Variants in LTBP4 observed in about 807,000 individuals in gnomAD.
The protein encoded by LTBP4 is latent-transforming growth factor beta-binding protein 4.
Under a neutral mutation model 180.2 loss-of-function variants are expected in LTBP4, and 93 were observed. The ratio of observed to expected loss-of-function variants is 0.52; its 90% confidence interval spans 0.44 to 0.61. LTBP4 has a LOEUF of 0.61. Ranked by LOEUF, LTBP4 falls within the 20% of genes least tolerant of loss-of-function variation. LTBP4 has a pLI of 0.00. For missense variants in LTBP4, 2,116 were observed against 2,256.5 expected, an observed-to-expected ratio of 0.94 and a Z score of 1.26; for synonymous variants, 947 against 934.5, an observed-to-expected ratio of 1.01 and a Z score of -0.24.
rs2081620390 is a variant in LTBP4, at chr19:40,625,283, TATATATATATATATATA to T, written c.3833-573_3833-557del. Reference sequence around the variant, plus strand: ...ATATATATATATATATATATATATATATATATATATATATATATATATATATATATATATTTTTTTTT... The same window carrying T: ...ATATATATATATATATATATATATATTATATATATATATATATTTTTTTTT... On this transcript the variant is annotated intron_variant, in intron 26 of 29. Coordinates refer to ENST00000396819, the MANE Select transcript of LTBP4 (RefSeq NM_001042545.2). 1.6e-3 allele frequency among the ~76,000 whole-genome samples: 14 copies of T among 8,706 alleles called. 2 individuals carry two copies. The highest frequency in any genetic ancestry group is 0.012 in the African/African-American group (9 of 758). The allele number at this position is 8,706 out of a possible 152,430, so 5.7% of individuals were successfully genotyped here.
rs577301524 is a variant in LTBP4 at position 40,595,424 on chromosome 19, G to T, written c.16+2243G>T. Among the ~76,000 whole-genome samples, 3 of 148,494 alleles carry T rather than the reference G, an allele frequency of 2.0e-5. No individual in the cohort carries two copies. The South Asian group carries it at 6.5e-4, about 32-fold the overall frequency. On this transcript the variant is annotated intron_variant, in intron 1 of 32. Coordinates refer to the LTBP4 transcript ENST00000204005. ...TCTGTCCCTCAGTGAACCCAGCCAG[G>T]CTCTGCCCCTGACCCACAGGATCTG... is the stretch of plus-strand genomic sequence containing the variant.
upstream of LTBP4, among the ~76,000 whole-genome samples, chr19:40,596,986 C>G (rs2081393839): frequency 6.6e-6 from 1 of 152,110 alleles, no homozygotes; most frequent in Admixed American, 6.5e-5. Flanking sequence ...TTCCCCCCAC[C>G]GCGTGGGGAA....
At chr19:40,598,360 C>T (rs532533594), upstream of LTBP4, among the ~76,000 whole-genome samples, 622 of 133,838 alleles carry the variant, frequency 4.6e-3, 6 homozygotes, top group African/African-American at 0.016. Context: ...GCGCTGGACA[C>T]CCCCCTCTCT....
intron 19 of LTBP4, among the ~76,000 whole-genome samples, chr19:40,615,926 G>A (rs1568409604): frequency 6.6e-6 from 1 of 152,178 alleles, no homozygotes; most frequent in Non-Finnish European, 1.5e-5. Flanking sequence ...ATCAGGTTTA[G>A]GAAGGAAAAC....
intron 11 of LTBP4, 25 bp from the exon 12 acceptor site, chr19:40,610,507 C>T: frequency 1.3e-6 from 2 of 1,577,914 alleles, no homozygotes; most frequent in Non-Finnish European, 1.7e-6. Flanking sequence ...TGCCCCAGTC[C>T]CAGCCGCCTG....
Position 40,611,006 on chromosome 19 carries a change from G to A in LTBP4, c.1811-146G>A. The A allele has an allele frequency of 8.7e-7, 1 of 1,150,182 alleles. No homozygotes were observed. The highest frequency in any genetic ancestry group is 1.2e-6 in the Non-Finnish European group (1 of 811,548). The allele number at this position is 1,150,182 out of a possible 1,614,324, so 71.2% of individuals were successfully genotyped here. A position where few individuals can be genotyped will look rare whatever the true frequency, so the allele number is the denominator to read the frequency against. ...CAGCCAGGCAGCTTAGTAGGGATTG[G>A]TGGAGGATGCAGAGTCAGATGATGG... On this transcript the variant is annotated intron_variant, in intron 12 of 29. Coordinates refer to ENST00000396819, the MANE Select transcript of LTBP4 (RefSeq NM_001042545.2). This position sits in a 1 kb window ranked among gnomAD's most constrained non-coding sequence, Gnocchi z 4.4.
chr19:40,603,660 G>GC (rs2081438765), intron 1 of LTBP4, among the ~76,000 whole-genome samples: 1 of 152,188 alleles, frequency 6.6e-6, no homozygotes, highest in Non-Finnish European at 1.5e-5. Flanking sequence ...AAACGGAGGT[G>GC]GCTCTCTGCG....
At chr19:40,618,046 T>C (rs1362610419) in intron 21 of LTBP4, among the ~76,000 whole-genome samples, 2 of 152,048 alleles carry the variant, frequency 1.3e-5, no homozygotes, top group African/African-American at 4.8e-5. Context: ...TGTTTACCAA[T>C]GTATTCTTCT....
intron 22 of LTBP4, among the ~76,000 whole-genome samples, chr19:40,620,876 G>A (rs116578707): frequency 0.039 from 5,919 of 150,752 alleles, 363 homozygotes; most frequent in African/African-American, 0.13. Context: ...GGTATATTTC[G>A]TGATGCTGAG....
At chr19:40,610,779 C>G (rs2081500346) in intron 12 of LTBP4, 122 bp downstream of exon 12, 3 of 1,391,910 alleles carry the variant, frequency 2.2e-6, no homozygotes, top group Admixed American at 2.7e-5. Flanking sequence ...AGGCCAGGCT[C>G]TCGAGCAGAC....
Position 40,605,942 on chromosome 19 carries a change from A to G in LTBP4, c.793+111A>G, listed in dbSNP as rs1342770713. 1.6e-6 allele frequency: 2 copies of G among 1,218,046 alleles called. No individual in the cohort carries two copies. The highest frequency in any genetic ancestry group is 3.0e-5 in the African/African-American group (2 of 66,134). The allele number at this position is 1,218,046 out of a possible 1,614,324, so 75.5% of individuals were successfully genotyped here. A position where few individuals can be genotyped will look rare whatever the true frequency, so the allele number is the denominator to read the frequency against. On this transcript the variant is annotated intron_variant, in intron 4 of 29. Coordinates refer to ENST00000396819, the MANE Select transcript of LTBP4 (RefSeq NM_001042545.2). This position sits in a 1 kb window ranked among gnomAD's most constrained non-coding sequence, Gnocchi z 5.5. ...CAGTTCACAAATTGTAGCCACGCCT[A>G]CCCCATTGTGGAGGCGACTTCCAGT... is the stretch of plus-strand genomic sequence containing the variant.
At chr19:40,614,067 T>G (rs760034130) in intron 18 of LTBP4, 29 bp downstream of exon 18, 60 of 1,607,726 alleles carry the variant, frequency 3.7e-5, no homozygotes, top group Admixed American at 3.3e-4. Flanking sequence ...GCCTGATCCC[T>G]CCTCCCTTCG....
Position 40,609,600 on chromosome 19 carries a change from C to G in LTBP4, c.1497C>G (p.Ser499Arg). The part of the protein sequence containing the change: ...CGPGRCISRP[S>R]GYTCACDSGF... ...CAGGACGCTGCATTTCCCGGCCCAGCGGCTACACCTGCGCTTGCGACTCTG... is the reference window on the plus strand; with the variant it reads ...CAGGACGCTGCATTTCCCGGCCCAGGGGCTACACCTGCGCTTGCGACTCTG... Residue 499 changes from serine to arginine, a missense_variant, in exon 10 of 30, where the codon AGC (serine) becomes AGG (arginine). Physicochemically the swap from Ser to Arg is moderately radical, Grantham distance 110 (BLOSUM62 -1). Around this residue, in one of 5 missense-constraint regions of LTBP4, gnomAD observed 877 missense variants for 873.6 expected, o/e 1.00. Coordinates refer to ENST00000396819, the MANE Select transcript of LTBP4 (RefSeq NM_001042545.2). This position sits in a 1 kb window ranked among gnomAD's most constrained non-coding sequence, Gnocchi z 4.9. The G allele has an allele frequency of 6.2e-7, 1 of 1,613,448 alleles. No homozygotes were observed. The highest frequency in any genetic ancestry group is 8.5e-7 in the Non-Finnish European group (1 of 1,179,832).
rs972138188 is a variant in LTBP4 at position 40,609,429 on chromosome 19, T to C, written c.1427-101T>C. ...GGCTTGCTTGGGGAGGAGACATCCA[T>C]GAAGGTGTTTTATGGATGTCTCCGG... On this transcript the variant is annotated intron_variant, in intron 9 of 29. Coordinates refer to ENST00000396819, the MANE Select transcript of LTBP4 (RefSeq NM_001042545.2). The surrounding 1 kb of genome is among the most constrained non-coding windows in gnomAD (Gnocchi z 4.9). The C allele has an allele frequency of 2.2e-5, 32 of 1,434,280 alleles. No homozygotes were observed. The highest frequency in any genetic ancestry group is 3.0e-5 in the Non-Finnish European group (31 of 1,040,868). 88.8% of individuals were successfully genotyped at this position (1,434,280 alleles called of 1,614,324 possible). A position where few individuals can be genotyped will look rare whatever the true frequency, so the allele number is the denominator to read the frequency against.
At position 40,613,261 on chromosome 19, in the gene LTBP4, C is replaced by T; in HGVS notation, c.2431+65C>T. The stretch of plus-strand genomic sequence containing the variant: ...GGCCTGGGTTCCAGGGCAAAGCCGG[C>T]TGGAAAGGTGGAGGCGGGACCAAGG... On this transcript the variant is annotated intron_variant, in intron 16 of 29. Transcript: ENST00000396819. The surrounding 1 kb of genome is among the most constrained non-coding windows in gnomAD (Gnocchi z 5.0). 6.5e-7 allele frequency: 1 copy of T among 1,542,690 alleles called. No homozygotes were observed. The highest frequency in any genetic ancestry group is 8.8e-7 in the Non-Finnish European group (1 of 1,140,696).
Position 40,606,260 on chromosome 19 carries a change from A to G in LTBP4, c.821A>G (p.Asp274Gly). The stretch of plus-strand genomic sequence containing the variant: ...AACTCCGAAAGAGTGAGCGCCCCAG[A>G]TGGACCTTGTCCAACCGGCTTTGAA... ...LGNSERVSAP[D>G]GPCPTGFERV... Residue 274 changes from aspartate (D) to glycine (G), a missense_variant, in exon 5 of 30, where the codon GAT becomes GGT. Asp to Gly is a moderately conservative substitution (Grantham distance 94). Transcript: ENST00000396819. 6.3e-7 allele frequency: 1 copy of G among 1,597,446 alleles called. No individual in the cohort carries two copies. The highest frequency in any genetic ancestry group is 8.5e-7 in the Non-Finnish European group (1 of 1,171,922).
intron 29 of LTBP4, among the ~76,000 whole-genome samples, chr19:40,628,265 G>C (rs576027751): frequency 1.4e-3 from 209 of 152,326 alleles, no homozygotes; most frequent in African/African-American, 4.8e-3. Flanking sequence ...ACATAGCCGG[G>C]CGCAGTGGCT....
chr19:40,607,282 A>T, intron 6 of LTBP4, 83 bp from the exon 7 acceptor site: 1 of 867,964 alleles, frequency 1.2e-6, no homozygotes, highest in Non-Finnish European at 1.7e-6. Flanking sequence ...CCAACCCCAG[A>T]ACCATTCCCC....
At chr19:40,608,177 C>A in intron 7 of LTBP4, 43 bp from the exon 8 acceptor site, 1 of 1,611,286 alleles carries the variant, frequency 6.2e-7, no homozygotes, top group Non-Finnish European at 8.5e-7. Context: ...TCGTTTTCTT[C>A]CCGCTCTCTT....
Sources: gnomAD v4.1 joint callset for allele counts (sites outside exome capture counted in the v4.1 genomes callset) on GRCh38, gnomAD v4.1.1 for gene constraint, gnomAD v4.1.1 regional missense constraint, Gnocchi (gnomAD v3.1) non-coding constraint, MANE v1.5 for transcripts, NCBI Gene and HGNC (gene_info 2026-07-23, HGNC 2026-07-21) for gene names.